Variants in ANO6 observed in about 807,000 individuals in gnomAD.
The protein encoded by ANO6 is anoctamin 6.
Under a neutral mutation model 117.5 loss-of-function variants are expected in ANO6, and 106 were observed. The observed-to-expected ratio is 0.90, with a 90% CI of 0.77 to 1.06. The LOEUF (loss-of-function observed/expected upper bound fraction) is 1.06, where lower values mean the gene tolerates loss of function less well. ANO6 is among the 50% of genes least tolerant of loss of function. ANO6 has a pLI of 0.00. For missense variants in ANO6, 955 were observed against 1,121.1 expected (o/e 0.85, Z 2.12); for synonymous variants, 367 against 385.1 (o/e 0.95, Z 0.55).
At chr12:45,251,090 A>G (rs1049814056) in intron 1 of ANO6, among the ~76,000 whole-genome samples, 3 of 152,006 alleles carry the variant, frequency 2.0e-5, no homozygotes, top group African/African-American at 7.3e-5. Context: ...AAAAACCCAC[A>G]AAAAAACCCA....
At chr12:45,265,840 A>G (rs568085002) in intron 1 of ANO6, among the ~76,000 whole-genome samples, 3 of 152,350 alleles carry the variant, frequency 2.0e-5, no homozygotes, top group Admixed American at 2.0e-4. Context: ...CCTGCAGTAT[A>G]GACCTACCCT....
At position 45,257,291 on chromosome 12, in the gene ANO6, A is replaced by T. The variant is rs543248196; in HGVS notation, c.70+40900A>T. ...AGAGCTTCAGAGCCCCATCCAGGCCATCTCCACCAGGGTGCACCCCTCTGC... is the reference window on the plus strand; with the variant it reads ...AGAGCTTCAGAGCCCCATCCAGGCCTTCTCCACCAGGGTGCACCCCTCTGC... On this transcript the variant is annotated intron_variant, in intron 1 of 19. Coordinates refer to ENST00000320560, the MANE Select transcript of ANO6 (RefSeq NM_001025356.3). Among the ~76,000 whole-genome samples, 10 of 152,232 alleles carry T rather than the reference A, an allele frequency of 6.6e-5. No individual in the cohort carries two copies. The South Asian group carries it at 1.5e-3, about 22-fold the overall frequency.
chr12:45,292,383 ATAG>A (rs1939130910), intron 1 of ANO6, among the ~76,000 whole-genome samples: 1 of 152,208 alleles, frequency 6.6e-6, no homozygotes, highest in South Asian at 2.1e-4. Context: ...CATTTTGGAA[ATAG>A]TGGTGATGGC....
intron 2 of ANO6, among the ~76,000 whole-genome samples, chr12:45,308,131 A>G (rs1475583989): frequency 1.5e-5 from 2 of 131,752 alleles, no homozygotes; most frequent in Non-Finnish European, 1.5e-5. Context: ...CCGTGAAGAG[A>G]GTTTTAAGAT....
At position 45,296,006 on chromosome 12, in the gene ANO6, A is replaced by G. The variant is rs576309988; in HGVS notation, c.71-6008A>G. 4.5e-4 allele frequency among the ~76,000 whole-genome samples: 69 copies of G among 152,032 alleles called. 1 individual carries two copies. The South Asian group carries it at 0.014, about 30-fold the overall frequency. ...CTCCTGAGTAGCTGGGACTACAGGC[A>G]TGCACCACTATGCCCAGCTAATTTT... On this transcript the variant is annotated intron_variant, in intron 1 of 19. Coordinates refer to ENST00000320560, the MANE Select transcript of ANO6 (RefSeq NM_001025356.3).
At chr12:45,418,489 C>G (rs966028462) in intron 17 of ANO6, among the ~76,000 whole-genome samples, 10 of 152,174 alleles carry the variant, frequency 6.6e-5, no homozygotes, top group Admixed American at 6.5e-4. Flanking sequence ...TCAATATGCT[C>G]TAGTACACTA....
intron 16 of ANO6, among the ~76,000 whole-genome samples, chr12:45,412,154 T>G (rs918622044): frequency 6.6e-6 from 1 of 152,150 alleles, no homozygotes; most frequent in Admixed American, 6.5e-5. Context: ...TGTTCCTGAC[T>G]CCAAGTACAC....
At chr12:45,316,783 T>C (rs1940041071) in intron 2 of ANO6, among the ~76,000 whole-genome samples, 1 of 151,186 alleles carries the variant, frequency 6.6e-6, no homozygotes, top group African/African-American at 2.4e-5. Context: ...ATATGTATTA[T>C]ACTATTATAA....
intron 2 of ANO6, among the ~76,000 whole-genome samples, chr12:45,304,089 T>C (rs1896027): frequency 0.92 from 139,606 of 152,200 alleles, 64,691 homozygotes; most frequent in Non-Finnish European, 0.99. Flanking sequence ...CTCATTAAGG[T>C]CACTTCTTTG....
At chr12:45,426,555 C>T (rs1232374211) in intron 19 of ANO6, among the ~76,000 whole-genome samples, 1 of 152,134 alleles carries the variant, frequency 6.6e-6, no homozygotes, top group African/African-American at 2.4e-5. Context: ...GCAGCCACCA[C>T]TTCCCCAACC....
At chr12:45,351,968 G>C (rs567676605) in intron 7 of ANO6, among the ~76,000 whole-genome samples, 65 of 152,238 alleles carry the variant, frequency 4.3e-4, no homozygotes, top group Admixed American at 4.2e-3. Context: ...GCAGAAGACT[G>C]TGGGAGCAGA....
chr12:45,350,192 C>T (rs1941243914), intron 6 of ANO6, among the ~76,000 whole-genome samples: 1 of 152,176 alleles, frequency 6.6e-6, no homozygotes, highest in Non-Finnish European at 1.5e-5. Context: ...TATGTTATCA[C>T]AGAATAACTG....
At chr12:45,286,036 A>G (rs1938903727) in intron 1 of ANO6, among the ~76,000 whole-genome samples, 1 of 152,214 alleles carries the variant, frequency 6.6e-6, no homozygotes, top group African/African-American at 2.4e-5. Context: ...CTGCTTCTGA[A>G]AAATTACCTG....
At chr12:45,336,716 T>G (rs1940835736) in intron 3 of ANO6, among the ~76,000 whole-genome samples, 1 of 152,100 alleles carries the variant, frequency 6.6e-6, no homozygotes, top group Non-Finnish European at 1.5e-5. Context: ...GGTTTATGTG[T>G]TTACTATACT....
intron 2 of ANO6, among the ~76,000 whole-genome samples, chr12:45,325,186 G>A (rs561051067): frequency 1.3e-5 from 2 of 152,320 alleles, no homozygotes; most frequent in African/African-American, 2.4e-5. Flanking sequence ...GAATCTGGTT[G>A]TAGCAATATT....
At chr12:45,223,585 T>C (rs970361929) in intron 1 of ANO6, among the ~76,000 whole-genome samples, 1 of 152,228 alleles carries the variant, frequency 6.6e-6, no homozygotes, top group African/African-American at 2.4e-5. Flanking sequence ...CTTATTTTTT[T>C]GTTCTATGCA....
At chr12:45,252,215 C>T (rs1250270870) in intron 1 of ANO6, among the ~76,000 whole-genome samples, 1 of 152,142 alleles carries the variant, frequency 6.6e-6, no homozygotes, top group Non-Finnish European at 1.5e-5. Context: ...CCATCACACA[C>T]ACAAAAAAAT....
chr12:45,378,054 A>G lies in ANO6; in HGVS notation c.1106A>G (p.Lys369Arg). 3 of 1,612,706 alleles carry G rather than the reference A, an allele frequency of 1.9e-6. No individual in the cohort carries two copies. Among genetic ancestry groups the G allele is most frequent in the Non-Finnish European group, 2.5e-6 (3 of 1,178,930 alleles). Reference sequence around the variant, plus strand: ...TTATATGTCATTTATATTTTCCAGAAATTGTGCATCTTCGACAGTTTTGGA... The same window carrying G: ...TTATATGTCATTTATATTTTCCAGAGATTGTGCATCTTCGACAGTTTTGGA... ...KLNITCESSK[K>R]LCIFDSFGTL... The change falls in exon 10 of 20, where the codon AAA becomes AGA. Residue 369 changes from lysine (K) to arginine (R), a missense_variant and splice_region_variant. By Grantham distance (26) the Lys-to-Arg change is conservative. Coordinates refer to ENST00000320560, the MANE Select transcript of ANO6 (RefSeq NM_001025356.3).
Position 45,430,510 on chromosome 12 carries a change from C to T in ANO6, c.*1199C>T. On this transcript the variant is annotated 3_prime_UTR_variant, in exon 20 of 20. Coordinates refer to ENST00000320560, the MANE Select transcript of ANO6 (RefSeq NM_001025356.3). ...GCATCCTCCATCCTGTTACTCTGGG[C>T]CCAGTAATTTGATGTAACTGTCTGA... is the stretch of plus-strand genomic sequence containing the variant. 2 of 985,394 alleles carry T rather than the reference C, an allele frequency of 2.0e-6. No individual in the cohort carries two copies. The highest frequency in any genetic ancestry group is 3.5e-5 in the African/African-American group (2 of 57,332). The allele number at this position is 985,394 out of a possible 1,614,324, so 61.0% of individuals were successfully genotyped here.
Sources: allele counts gnomAD v4.1 joint callset (sites outside exome capture counted in the v4.1 genomes callset), GRCh38; gene constraint gnomAD v4.1.1; transcripts MANE v1.5; gene names NCBI Gene and HGNC (gene_info 2026-07-23, HGNC 2026-07-21).